The following PATJ variants were observed in gnomAD, a reference collection of about 807,000 sequenced individuals.
PATJ encodes inaD-like protein.
In PATJ, 190 loss-of-function variants were observed where a neutral mutation model predicts 224.9. The ratio of observed to expected loss-of-function variants is 0.84; its 90% CI spans 0.75 to 0.95. The LOEUF is 0.95. Among genes scored for constraint, PATJ ranks in the 40% least tolerant of loss-of-function variants. PATJ has a pLI of 0.00. For missense variants in PATJ, 2,121 were observed against 2,270.3 expected (o/e 0.93, Z 1.34); for synonymous variants, 769 against 820.3 (o/e 0.94, Z 1.07).
At chr1:62,058,964 A>G (rs1654982958) in intron 31 of PATJ, among the ~76,000 whole-genome samples, 1 of 152,218 alleles carries the variant, frequency 6.6e-6, no homozygotes, top group Admixed American at 6.5e-5. Flanking sequence ...TTTCCATAAA[A>G]ATCCAGGTTT....
At chr1:61,807,973 G>A (rs1187122057) in intron 13 of PATJ, among the ~76,000 whole-genome samples, 1 of 152,144 alleles carries the variant, frequency 6.6e-6, no homozygotes, top group Non-Finnish European at 1.5e-5. Flanking sequence ...AGGTCTTTCC[G>A]TTTATGTCTT....
intron 30 of PATJ, among the ~76,000 whole-genome samples, chr1:62,045,239 A>G (rs1652315792): frequency 6.6e-6 from 1 of 151,956 alleles, no homozygotes; most frequent in African/African-American, 2.4e-5. Context: ...AAAAAAAAAA[A>G]GGAAATGTTT....
intron 28 of PATJ, among the ~76,000 whole-genome samples, chr1:62,005,817 A>G (rs952436148): frequency 2.0e-5 from 3 of 152,172 alleles, no homozygotes; most frequent in Non-Finnish European, 1.5e-5. Context: ...ATTATCACCA[A>G]TTCAAATTAC....
At chr1:61,993,832 T>C (rs76614304) in intron 28 of PATJ, among the ~76,000 whole-genome samples, 4,048 of 152,240 alleles carry the variant, frequency 0.027, 165 homozygotes, top group African/African-American at 0.094. Flanking sequence ...CTTAGAAACT[T>C]CCGGTATCTG....
At chr1:62,148,226 GT>G (rs1668265065) in intron 41 of PATJ, 57 bp from the exon 42 acceptor site, 4 of 1,170,868 alleles carry the variant, frequency 3.4e-6, no homozygotes, top group Non-Finnish European at 3.9e-6. Flanking sequence ...ATACAGCATG[GT>G]TTCTCTAATT....
chr1:61,795,086 G>A, intron 9 of PATJ, among the ~76,000 whole-genome samples: 1 of 127,232 alleles, frequency 7.9e-6, no homozygotes, highest in East Asian at 2.4e-4. Context: ...GGAGACTCTT[G>A]TCATAGTGAT....
chr1:61,827,648 G>T, intron 16 of PATJ, 65 bp downstream of exon 16: 1 of 1,463,314 alleles, frequency 6.8e-7, no homozygotes, highest in East Asian at 2.4e-5. Context: ...CCCGAAGACT[G>T]TGCTGCAATA....
intron 16 of PATJ, among the ~76,000 whole-genome samples, chr1:61,827,973 G>A (rs144828913): frequency 7.4e-4 from 112 of 152,230 alleles, no homozygotes; most frequent in African/African-American, 2.5e-3. Context: ...TCAGCCGGGC[G>A]CGGTGGCTCA....
At chr1:61,801,001 C>G (rs1000879349) in intron 11 of PATJ, among the ~76,000 whole-genome samples, 5 of 152,148 alleles carry the variant, frequency 3.3e-5, no homozygotes, top group African/African-American at 1.2e-4. Context: ...TGGGTTGGTT[C>G]CAAGTCTTTG....
intron 17 of PATJ, among the ~76,000 whole-genome samples, chr1:61,854,506 CTT>C (rs1031673499): frequency 2.0e-5 from 3 of 152,160 alleles, no homozygotes; most frequent in Non-Finnish European, 2.9e-5. Flanking sequence ...ATTTACAACT[CTT>C]TGTTTCCCGT....
rs185065559 is a variant in PATJ, at chr1:61,926,309, C to A, written c.3571-1421C>A. 6.0e-3 allele frequency among the ~76,000 whole-genome samples: 907 copies of A among 152,180 alleles called. 16 individuals are homozygous for A. In the South Asian group the frequency reaches 0.062, roughly 10 times the overall value. ...AATCCACATTCAGACTATAAGGAGACCAGGACATGCTTATTCTATATTCTT... is the reference window on the plus strand; with the variant it reads ...AATCCACATTCAGACTATAAGGAGAACAGGACATGCTTATTCTATATTCTT... On this transcript the variant is annotated intron_variant, in intron 26 of 43. Transcript: ENST00000642238.
rs1379011718 is a variant in PATJ at position 62,084,531 on chromosome 1, T to C, written c.4260T>C (p.Pro1420=). The change falls in exon 33 of 44, where the codon CCT becomes CCC. Residue 1420 remains proline (P), a synonymous_variant. Coordinates refer to ENST00000642238, the MANE Select transcript of PATJ (RefSeq NM_001350145.3). ...CTTTTCCAGGTGGTTTCCAGGCTCC[T>C]CTGTCAGTGGACCCCGCAACGTGTC... is the stretch of plus-strand genomic sequence containing the variant. ...DFTGYGGFQA[P]LSVDPATCPI... is the part of the protein sequence containing the mutation. 6.2e-7 allele frequency: 1 copy of C among 1,610,180 alleles called. No individual in the cohort carries two copies. Among genetic ancestry groups the C allele is most frequent in the South Asian group, 1.1e-5 (1 of 89,494 alleles).
At chr1:62,113,961 T>C in intron 34 of PATJ, 92 bp from the exon 35 acceptor site, 2 of 1,269,116 alleles carry the variant, frequency 1.6e-6, no homozygotes, top group Non-Finnish European at 2.2e-6. Context: ...TTTCTAGAGA[T>C]TCTTTACTGG....
chr1:62,079,707 T>C (rs1380437993), intron 32 of PATJ, 140 bp downstream of exon 32: 1 of 656,594 alleles, frequency 1.5e-6, no homozygotes, highest in African/African-American at 1.8e-5. Context: ...CTTTGGGGCT[T>C]GGATAGGTCA....
At chr1:62,097,404 T>C (rs1661526797) in intron 33 of PATJ, among the ~76,000 whole-genome samples, 1 of 152,220 alleles carries the variant, frequency 6.6e-6, no homozygotes, top group African/African-American at 2.4e-5. Flanking sequence ...AAAGTAGCAT[T>C]GTGTGACTTT....
intron 11 of PATJ, among the ~76,000 whole-genome samples, chr1:61,800,249 C>G (rs1437871319): frequency 6.6e-6 from 1 of 152,170 alleles, no homozygotes; most frequent in Non-Finnish European, 1.5e-5. Context: ...TCTCCACATC[C>G]TTGCCAATAT....
intron 15 of PATJ, among the ~76,000 whole-genome samples, chr1:61,825,270 G>T (rs1030194138): frequency 6.6e-6 from 1 of 152,162 alleles, no homozygotes; most frequent in African/African-American, 2.4e-5. Context: ...AAATAGTGGG[G>T]CCACACTTGT....
At chr1:61,812,536 C>T (rs1655091354) in intron 14 of PATJ, among the ~76,000 whole-genome samples, 1 of 151,390 alleles carries the variant, frequency 6.6e-6, no homozygotes, top group South Asian at 2.1e-4. Context: ...CAGACCACCT[C>T]TGATTTGCTT....
At chr1:61,945,147 G>A (rs898561283) in intron 27 of PATJ, among the ~76,000 whole-genome samples, 3 of 152,140 alleles carry the variant, frequency 2.0e-5, no homozygotes, top group Non-Finnish European at 4.4e-5. Context: ...GACCACTGAT[G>A]CTAGGAAGAA....
Sources: gnomAD v4.1 joint callset for allele counts (sites outside exome capture counted in the v4.1 genomes callset) on GRCh38, gnomAD v4.1.1 for gene constraint, MANE v1.5 for transcripts, NCBI Gene and HGNC (gene_info 2026-07-23, HGNC 2026-07-21) for gene names.